Variants in PCDHA6 observed in about 807,000 individuals in gnomAD.
PCDHA6 encodes the protein protocadherin alpha 6, also known as protocadherin alpha-6.
A neutral mutation model predicts 60.3 loss-of-function variants in PCDHA6; 55 were observed. The ratio of observed to expected loss-of-function variants is 0.91; its 90% CI spans 0.73 to 1.14. The LOEUF (loss-of-function observed/expected upper bound fraction) is 1.14, where lower values mean the gene tolerates loss of function less well. PCDHA6 is among the 50% of genes most tolerant of loss of function. The pLI is 0.00. For missense variants in PCDHA6, 1,327 were observed against 1,256.5 expected, an observed-to-expected ratio of 1.06 and a Z score of -0.85; for synonymous variants, 652 against 557.9, an observed-to-expected ratio of 1.17 and a Z score of -2.38.
At chr5:140,944,077 G>A (rs913476675) in intron 1 of PCDHA6, among the ~76,000 whole-genome samples, 1 of 152,204 alleles carries the variant, frequency 6.6e-6, no homozygotes, top group Non-Finnish European at 1.5e-5. Context: ...TAAAGATAAA[G>A]GAGGCCTGAG....
At chr5:140,876,956 T>A in intron 1 of PCDHA6, 1 of 1,613,342 alleles carries the variant, frequency 6.2e-7, no homozygotes, top group Non-Finnish European at 8.5e-7. Flanking sequence ...TACTCGCTGG[T>A]GGAGCGGCGG....
At chr5:140,927,714 C>G (rs111315855) in intron 1 of PCDHA6, 1 of 1,614,198 alleles carries the variant, frequency 6.2e-7, no homozygotes. Flanking sequence ...CCCTAAGCAA[C>G]AGCACGCAAG....
At chr5:140,969,244 G>A (rs1345944804) in intron 1 of PCDHA6, 2 of 1,614,088 alleles carry the variant, frequency 1.2e-6, no homozygotes, top group Non-Finnish European at 1.7e-6. Flanking sequence ...AAGCAGCAGT[G>A]ACTGACAGCA....
At chr5:140,947,706 A>G (rs2153680894) in intron 1 of PCDHA6, among the ~76,000 whole-genome samples, 1 of 151,686 alleles carries the variant, frequency 6.6e-6, no homozygotes, top group East Asian at 1.9e-4. Context: ...AGTTTTAAGT[A>G]TTGAGGTTTC....
Position 140,877,206 on chromosome 5 carries a change from C to A in PCDHA6, c.2394+46721C>A, listed in dbSNP as rs782807049. 10 of 1,613,650 alleles carry A rather than the reference C, an allele frequency of 6.2e-6. No homozygotes were observed. The highest frequency in any genetic ancestry group is 8.5e-6 in the Non-Finnish European group (10 of 1,179,798). On this transcript the variant is annotated intron_variant, in intron 1 of 3. Transcript: ENST00000529310. ...CTGGCAGCGCAGGAGGCGCAGTTAG[C>A]GAGTTGGTACCGCGGTCGGTGGGTG...
At chr5:140,916,825 C>T (rs2077750975) in intron 1 of PCDHA6, among the ~76,000 whole-genome samples, 1 of 152,144 alleles carries the variant, frequency 6.6e-6, no homozygotes, top group Non-Finnish European at 1.5e-5. Context: ...CCACCCCTAT[C>T]CCTCTGGTTC....
chr5:140,927,071 G>A lies in PCDHA6; in HGVS notation c.2395-51878G>A. 3 of 1,611,088 alleles carry A rather than the reference G, an allele frequency of 1.9e-6. No homozygotes were observed. The highest frequency in any genetic ancestry group is 2.5e-6 in the Non-Finnish European group (3 of 1,177,862). On this transcript the variant is annotated intron_variant, in intron 1 of 3. Transcript: ENST00000529310. ...TCGCGGAACTTTCGCTTCCTTTCCAGCCACCGCGAGCTCTACTTCGGGGTG... is the reference window on the plus strand; with the variant it reads ...TCGCGGAACTTTCGCTTCCTTTCCAACCACCGCGAGCTCTACTTCGGGGTG...
intron 3 of PCDHA6, among the ~76,000 whole-genome samples, chr5:140,985,651 T>A (rs1413086230): frequency 6.6e-6 from 1 of 151,992 alleles, no homozygotes; most frequent in Non-Finnish European, 1.5e-5. Context: ...ACACTTGCAA[T>A]GGCTGAATAA....
intron 1 of PCDHA6, chr5:140,841,359 G>A (rs2150314214): frequency 6.2e-7 from 1 of 1,613,176 alleles, no homozygotes; most frequent in Non-Finnish European, 8.5e-7. Flanking sequence ...GGATCCTGGC[G>A]ACTACTACTC....
chr5:140,967,998 G>A lies in PCDHA6; in HGVS notation c.2395-10951G>A, dbSNP rs1554230183. The A allele has an allele frequency of 1.9e-6, 3 of 1,614,040 alleles. No individual in the cohort carries two copies. Among genetic ancestry groups the A allele is most frequent in the African/African-American group, 1.3e-5 (1 of 74,916 alleles). The stretch of plus-strand genomic sequence containing the variant: ...GGTCTGGAGGCCACACTGCCTTTCC[G>A]ACTGAATGGCTTTGGAAACTCCTAT... On this transcript the variant is annotated intron_variant, in intron 1 of 3. Transcript: ENST00000529310.
intron 1 of PCDHA6, chr5:140,876,400 T>G: frequency 1.2e-6 from 2 of 1,613,928 alleles, no homozygotes; most frequent in Non-Finnish European, 1.7e-6. Context: ...TGAACTGGAT[T>G]TTGAAGAGAA....
intron 2 of PCDHA6, 123 bp from the exon 3 acceptor site, chr5:140,982,352 G>A (rs1554244046): frequency 4.0e-6 from 6 of 1,507,640 alleles, no homozygotes; most frequent in Non-Finnish European, 5.3e-6. Context: ...TTCAGTTCAA[G>A]CATGAGCAGA....
intron 2 of PCDHA6, among the ~76,000 whole-genome samples, chr5:140,980,357 C>T (rs191882864): frequency 1.6e-3 from 239 of 152,238 alleles, no homozygotes; most frequent in Middle Eastern, 6.8e-3. Flanking sequence ...CTGGACTGGG[C>T]GCGGTGGCTC....
At chr5:140,993,472 A>T (rs1164535164) in intron 3 of PCDHA6, among the ~76,000 whole-genome samples, 1 of 134,248 alleles carries the variant, frequency 7.4e-6, no homozygotes, top group Non-Finnish European at 1.5e-5. Flanking sequence ...TCACACACAC[A>T]CACACACACA....
intron 1 of PCDHA6, chr5:140,967,956 A>C: frequency 6.2e-7 from 1 of 1,614,172 alleles, no homozygotes; most frequent in Non-Finnish European, 8.5e-7. Context: ...TCAGGCCCCA[A>C]CCGGAAAGTG....
At chr5:141,004,258 A>C (rs1164603441) in intron 3 of PCDHA6, among the ~76,000 whole-genome samples, 1 of 152,232 alleles carries the variant, frequency 6.6e-6, no homozygotes, top group Non-Finnish European at 1.5e-5. Flanking sequence ...TTTTACTGGA[A>C]TGAGTCACAG....
chr5:140,929,167 T>G (rs781804558), intron 1 of PCDHA6: 2 of 1,614,144 alleles, frequency 1.2e-6, no homozygotes, highest in Non-Finnish European at 1.7e-6. Context: ...CTATCGGGCC[T>G]CTCTGGGACT....
intron 1 of PCDHA6, among the ~76,000 whole-genome samples, chr5:140,894,986 A>G (rs1380930076): frequency 6.6e-6 from 1 of 152,194 alleles, no homozygotes; most frequent in Non-Finnish European, 1.5e-5. Flanking sequence ...ACTTTGTGAC[A>G]TCCTTTACCC....
intron 1 of PCDHA6, among the ~76,000 whole-genome samples, chr5:140,875,095 G>A (rs2055270565): frequency 6.6e-6 from 1 of 152,156 alleles, no homozygotes; most frequent in Non-Finnish European, 1.5e-5. Context: ...AATTGTTGAT[G>A]TTTTGTTACT....
Sources: gnomAD v4.1 joint callset for allele counts (sites outside exome capture counted in the v4.1 genomes callset) on GRCh38, gnomAD v4.1.1 for gene constraint, MANE v1.5 for transcripts, NCBI Gene and HGNC (gene_info 2026-07-23, HGNC 2026-07-21) for gene names.